YES1: variants seen among roughly 807,000 people sequenced by gnomAD.
YES1 encodes the protein YES proto-oncogene 1, Src family tyrosine kinase.
YES1 carries 39 observed loss-of-function variants against 70.4 expected under a neutral mutation model. The ratio of observed to expected loss-of-function variants is 0.55; its 90% CI spans 0.43 to 0.72. YES1 has a LOEUF of 0.72. Among genes scored for constraint, YES1 ranks in the 30% least tolerant of loss-of-function variants. The pLI is 0.00. For synonymous variants in YES1, 198 were observed against 218.6 expected (o/e 0.91, Z 0.83); for missense variants, 495 against 644.8 (o/e 0.77, Z 2.52).
At chr18:731,260 G>T (rs2080084546) in intron 11 of YES1, among the ~76,000 whole-genome samples, 1 of 152,314 alleles carries the variant, frequency 6.6e-6, no homozygotes, top group East Asian at 1.9e-4. Context: ...CAGGAGAAGA[G>T]TTCAAGCTAC....
chr18:802,758 T>C (rs377164774), intron 1 of YES1, among the ~76,000 whole-genome samples: 33 of 152,214 alleles, frequency 2.2e-4, no homozygotes, highest in South Asian at 1.7e-3. Context: ...ATATACTTTC[T>C]GATTCTCAGT....
At chr18:782,752 C>CG (rs1905738329) in intron 1 of YES1, among the ~76,000 whole-genome samples, 2 of 152,082 alleles carry the variant, frequency 1.3e-5, no homozygotes, top group South Asian at 4.1e-4. Context: ...TGGAGTGCAG[C>CG]GGCACAATCT....
At chr18:744,687 G>GC (rs2080257333) in intron 6 of YES1, among the ~76,000 whole-genome samples, 1 of 96,502 alleles carries the variant, frequency 1.0e-5, no homozygotes, top group East Asian at 3.5e-4. Flanking sequence ...ACCACGCCTG[G>GC]CCTTTTTTTT....
chr18:737,478 C>G (rs2145691983), intron 9 of YES1: 1 of 152,756 alleles, frequency 6.5e-6, no homozygotes, highest in East Asian at 1.9e-4. Context: ...TAACATTACT[C>G]TGAAGACCAA....
intron 1 of YES1, among the ~76,000 whole-genome samples, chr18:769,704 T>A (rs1905072002): frequency 6.6e-6 from 1 of 152,206 alleles, no homozygotes; most frequent in Non-Finnish European, 1.5e-5. Context: ...TCAATTGATG[T>A]AGTGAATTTT....
intron 9 of YES1, chr18:737,234 T>C (rs1215976641): frequency 7.5e-6 from 2 of 265,898 alleles, no homozygotes; most frequent in Admixed American, 1.0e-4. Context: ...AGGTGGATCA[T>C]TTGAGGTCAT....
chr18:744,289 G>A (rs974892911), intron 6 of YES1, among the ~76,000 whole-genome samples: 4 of 151,906 alleles, frequency 2.6e-5, no homozygotes, highest in African/African-American at 9.7e-5. Context: ...AATTCTCAAA[G>A]AGAATGTTAT....
chr18:728,845 G>A (rs575911737), intron 11 of YES1, among the ~76,000 whole-genome samples: 1 of 152,230 alleles, frequency 6.6e-6, no homozygotes, highest in South Asian at 2.1e-4. Flanking sequence ...TTTTGAATTA[G>A]GAATGCTCAA....
At chr18:744,059 A>G (rs1169523932) in intron 6 of YES1, among the ~76,000 whole-genome samples, 1 of 150,422 alleles carries the variant, frequency 6.6e-6, no homozygotes, top group African/African-American at 2.4e-5. Context: ...ACTTAGTATA[A>G]CTTAAAATAT....
chr18:727,395 G>A (rs138900739), intron 11 of YES1, among the ~76,000 whole-genome samples: 32 of 152,190 alleles, frequency 2.1e-4, no homozygotes, highest in African/African-American at 7.7e-4. Context: ...TTGTGTATGT[G>A]TTTAAAATCC....
intron 1 of YES1, among the ~76,000 whole-genome samples, chr18:761,242 TAA>T (rs79610931): frequency 3.8e-4 from 50 of 132,162 alleles, no homozygotes; most frequent in Non-Finnish European, 3.3e-4. Context: ...CTTTGCCGTT[TAA>T]AAAAAAAAAA....
chr18:812,089 C>T (rs1199051658), intron 1 of YES1, 25 bp downstream of exon 1: 2 of 153,418 alleles, frequency 1.3e-5, no homozygotes, highest in African/African-American at 4.8e-5. Context: ...AACCCTCCGC[C>T]CGCGGGGCCC....
intron 11 of YES1, among the ~76,000 whole-genome samples, chr18:726,947 G>A (rs2080028166): frequency 6.6e-6 from 1 of 152,126 alleles, no homozygotes; most frequent in Admixed American, 6.6e-5. Context: ...TGGACAATCT[G>A]CTGTAAGAAC....
intron 10 of YES1, among the ~76,000 whole-genome samples, chr18:734,697 AAC>A (rs1352178978): frequency 1.3e-5 from 2 of 152,024 alleles, no homozygotes; most frequent in African/African-American, 4.8e-5. Flanking sequence ...AAAAAAAAAA[AAC>A]AATAGATGTT....
In YES1 at chr18:756,587, C is replaced by A; in HGVS notation, c.241G>T (p.Val81Leu). 2 of 1,614,144 alleles carry A rather than the reference C, an allele frequency of 1.2e-6. No individual in the cohort carries two copies. The highest frequency in any genetic ancestry group is 2.2e-5 in the South Asian group (2 of 91,076). The part of the protein sequence containing the change: ...FGGASSSFSV[V>L]PSSYPAGLTG... Reference sequence around the variant, plus strand: ...AAACCAGCAGGATATGAACTTGGCACCACTGAAAATGAGGAAGATGCACCT... The same window carrying A: ...AAACCAGCAGGATATGAACTTGGCAACACTGAAAATGAGGAAGATGCACCT... Residue 81 changes from valine (V) to leucine (L), a missense_variant, in exon 2 of 12, where the codon GTG (valine) becomes TTG (leucine). Around this residue, in one of 2 missense-constraint regions of YES1, gnomAD observed 110 missense variants for 104.0 expected, o/e 1.06. Transcript: ENST00000314574.
chr18:730,330 A>T (rs2080073214), intron 11 of YES1, among the ~76,000 whole-genome samples: 2 of 148,194 alleles, frequency 1.3e-5, no homozygotes, highest in African/African-American at 2.5e-5. Context: ...GAACTGACCA[A>T]GGACCCAAGA....
At chr18:746,147 A>G (rs1362628797) in intron 4 of YES1, 96 bp from the exon 5 acceptor site, 6 of 823,374 alleles carry the variant, frequency 7.3e-6, no homozygotes, top group Non-Finnish European at 1.2e-5. Flanking sequence ...GGTTTGGACG[A>G]CAAAGAATAG....
chr18:744,893 T>C (rs1170289044), intron 6 of YES1, among the ~76,000 whole-genome samples: 5 of 152,042 alleles, frequency 3.3e-5, no homozygotes, highest in East Asian at 3.9e-4. Context: ...GCTTGACTTA[T>C]GAATTCTGCT....
At chr18:735,611 G>C (rs565396817) in intron 10 of YES1, 5 of 152,422 alleles carry the variant, frequency 3.3e-5, no homozygotes, top group African/African-American at 1.2e-4. Flanking sequence ...CTACTCGGGA[G>C]GCTGGGGCAG....
Sources: gnomAD v4.1 joint callset for allele counts (sites outside exome capture counted in the v4.1 genomes callset) on GRCh38, gnomAD v4.1.1 for gene constraint, gnomAD v4.1.1 regional missense constraint, MANE v1.5 for transcripts, NCBI Gene and HGNC (gene_info 2026-07-23, HGNC 2026-07-21) for gene names.